CACNA2D3: variants seen among roughly 807,000 people sequenced by gnomAD.
CACNA2D3 encodes the protein voltage-dependent calcium channel subunit alpha-2/delta-3.
CACNA2D3 carries 60 observed loss-of-function variants against 160.6 expected under a neutral mutation model. The observed-to-expected ratio is 0.37, with a 90% CI of 0.30 to 0.46. The LOEUF is 0.46. CACNA2D3 is among the 20% of genes least tolerant of loss of function. CACNA2D3 has a pLI of 1.00. For synonymous variants in CACNA2D3, 558 were observed against 492.9 expected, an observed-to-expected ratio of 1.13 and a Z score of -1.75; for missense variants, 1,205 against 1,365.0, an observed-to-expected ratio of 0.88 and a Z score of 1.85.
rs183205666 is a variant in CACNA2D3 at position 54,919,745 on chromosome 3, C to T, written c.2449+19877C>T. Among the ~76,000 whole-genome samples, 23 of 152,336 alleles carry T rather than the reference C, an allele frequency of 1.5e-4. 1 individual carries two copies. In the East Asian group the frequency reaches 3.9e-3, roughly 26 times the overall value. ...CTTAATTTTCTGCCATGAAAACATG[C>T]TATTTGTATCCAACTTGATGGTTTA... On this transcript the variant is annotated intron_variant, in intron 27 of 37. Coordinates refer to ENST00000474759, the MANE Select transcript of CACNA2D3 (RefSeq NM_018398.3).
intron 27 of CACNA2D3, among the ~76,000 whole-genome samples, chr3:54,912,240 C>G (rs1700571533): frequency 1.3e-5 from 2 of 152,136 alleles, no homozygotes; most frequent in African/African-American, 4.8e-5. Flanking sequence ...TTTTTTGTAA[C>G]TTAATCTTGG....
chr3:54,486,449 AC>A (rs1322949594), intron 4 of CACNA2D3, among the ~76,000 whole-genome samples: 1 of 152,074 alleles, frequency 6.6e-6, no homozygotes, highest in African/African-American at 2.4e-5. Flanking sequence ...GACTCCAGCA[AC>A]CCAAGTCAAA....
chr3:54,480,317 G>T (rs913084684), intron 4 of CACNA2D3, among the ~76,000 whole-genome samples: 3 of 152,078 alleles, frequency 2.0e-5, no homozygotes, highest in African/African-American at 4.8e-5. Flanking sequence ...TTTCCTGGGG[G>T]TCTGCAGGGA....
At chr3:54,687,138 T>TTTTTTTTTTTTTTTTTTTTTTTTTTTC (rs1700474599) in intron 11 of CACNA2D3, among the ~76,000 whole-genome samples, 1 of 69,062 alleles carries the variant, frequency 1.4e-5, no homozygotes, top group Non-Finnish European at 3.2e-5. Flanking sequence ...TTTTTTTGTT[T>TTTTTTTTTTTTTTTTTTTTTTTTTTTC]TTTTTTTTTT....
At chr3:55,003,430 T>A (rs1703025553) in intron 31 of CACNA2D3, among the ~76,000 whole-genome samples, 1 of 152,016 alleles carries the variant, frequency 6.6e-6, no homozygotes. Flanking sequence ...CATCATCCCC[T>A]GAAGGTTTGC....
At chr3:54,620,924 G>C (rs546513340) in intron 9 of CACNA2D3, among the ~76,000 whole-genome samples, 1 of 152,374 alleles carries the variant, frequency 6.6e-6, no homozygotes, top group African/African-American at 2.4e-5. Flanking sequence ...CTAGCATACA[G>C]TTGTCACTTT....
At chr3:54,339,551 TGAG>T (rs1704469806) in intron 3 of CACNA2D3, among the ~76,000 whole-genome samples, 4 of 152,130 alleles carry the variant, frequency 2.6e-5, no homozygotes, top group Admixed American at 2.6e-4. Context: ...TTTAGCCCAG[TGAG>T]GAGAAGGACT....
rs143502525 is a variant in CACNA2D3, at chr3:54,961,489, A to G, written c.2450-6961A>G. 5.0e-3 allele frequency among the ~76,000 whole-genome samples: 768 copies of G among 152,326 alleles called. 6 individuals are homozygous for G. The highest frequency in any genetic ancestry group is 0.017 in the African/African-American group (727 of 41,578). On this transcript the variant is annotated intron_variant, in intron 27 of 37. Transcript: ENST00000474759. ...ACAATTTTCTACTATATTCCTACCT[A>G]TGGATTGGAATCTATTAGGAGAAAA... is the stretch of plus-strand genomic sequence containing the variant.
intron 2 of CACNA2D3, among the ~76,000 whole-genome samples, chr3:54,315,174 C>T (rs1703833171): frequency 6.6e-6 from 1 of 152,270 alleles, no homozygotes; most frequent in South Asian, 2.1e-4. Context: ...CTGCATGTGG[C>T]CATGGAGTAA....
intron 13 of CACNA2D3, among the ~76,000 whole-genome samples, chr3:54,798,989 T>C (rs1483054303): frequency 6.6e-6 from 1 of 152,254 alleles, no homozygotes; most frequent in African/African-American, 2.4e-5. Context: ...AGTAATTTAT[T>C]TTTTTAATCA....
At chr3:54,363,376 C>T (rs533348708) in intron 3 of CACNA2D3, among the ~76,000 whole-genome samples, 1 of 152,260 alleles carries the variant, frequency 6.6e-6, no homozygotes, top group African/African-American at 2.4e-5. Context: ...TTCAATGCCA[C>T]TGTCATCATA....
In CACNA2D3 at chr3:54,879,418, C is replaced by T. The variant is rs746806582; in HGVS notation, c.1844+7C>T. The T allele has an allele frequency of 1.9e-6, 3 of 1,596,986 alleles. No homozygotes were observed. Among genetic ancestry groups the T allele is most frequent in the Non-Finnish European group, 2.6e-6 (3 of 1,166,582 alleles). On this transcript the variant is annotated splice_region_variant and intron_variant, in intron 20 of 37. Coordinates refer to ENST00000474759, the MANE Select transcript of CACNA2D3 (RefSeq NM_018398.3). The stretch of plus-strand genomic sequence containing the variant: ...TCAAGGGTACTCCTTTCAGGTAGAG[C>T]TGACCATAATACATGGACATTCCAT...
intron 34 of CACNA2D3, among the ~76,000 whole-genome samples, chr3:55,012,576 G>A (rs1010082961): frequency 2.0e-5 from 3 of 152,086 alleles, no homozygotes; most frequent in Non-Finnish European, 4.4e-5. Flanking sequence ...CATTCACTAT[G>A]ATCTTTGCCT....
intron 27 of CACNA2D3, chr3:54,925,043 A>G: frequency 6.2e-7 from 1 of 1,614,102 alleles, no homozygotes; most frequent in Middle Eastern, 1.6e-4. Flanking sequence ...GGTGTATCTG[A>G]TTATCTTGTA....
intron 2 of CACNA2D3, among the ~76,000 whole-genome samples, chr3:54,168,125 G>C (rs1360971278): frequency 5.3e-5 from 8 of 152,098 alleles, no homozygotes; most frequent in Non-Finnish European, 1.2e-4. Flanking sequence ...AGTAGAGCCA[G>C]CTCAGGGCTG....
rs149803255 is a variant in CACNA2D3, at chr3:54,867,327, G to A, written c.1627-4212G>A. ...AAGGAGAAATCAACTGTGCCCAGAC[G>A]CAATCGTGTATCTTGGAAAACAGTG... On this transcript the variant is annotated intron_variant, in intron 17 of 37. Coordinates refer to ENST00000474759, the MANE Select transcript of CACNA2D3 (RefSeq NM_018398.3). Among the ~76,000 whole-genome samples the A allele has an allele frequency of 3.5e-4, 53 of 152,202 alleles. No individual in the cohort carries two copies. The East Asian group carries it at 8.3e-3, about 24-fold the overall frequency.
intron 4 of CACNA2D3, among the ~76,000 whole-genome samples, chr3:54,406,681 G>C (rs1389159907): frequency 6.6e-6 from 1 of 151,842 alleles, no homozygotes. Flanking sequence ...AGAGGAAATG[G>C]GAGTTGTAGG....
At chr3:54,340,067 T>G (rs533046414) in intron 3 of CACNA2D3, among the ~76,000 whole-genome samples, 1 of 152,352 alleles carries the variant, frequency 6.6e-6, no homozygotes, top group South Asian at 2.1e-4. Flanking sequence ...GTGACAGTAC[T>G]CAAAGAGAAA....
chr3:54,986,865 T>A (rs1236142365), intron 30 of CACNA2D3, among the ~76,000 whole-genome samples: 1 of 152,122 alleles, frequency 6.6e-6, no homozygotes, highest in East Asian at 1.9e-4. Context: ...TTCCATGCAC[T>A]GCGTACGCCC....
Sources: gnomAD v4.1 joint callset for allele counts (sites outside exome capture counted in the v4.1 genomes callset) on GRCh38, gnomAD v4.1.1 for gene constraint, MANE v1.5 for transcripts, NCBI Gene and HGNC (gene_info 2026-07-23, HGNC 2026-07-21) for gene names.